The following SMAP1 variants were observed in gnomAD, a reference collection of about 807,000 sequenced individuals.
SMAP1 encodes stromal membrane-associated protein 1.
SMAP1 carries 24 observed loss-of-function variants against 58.5 expected under a neutral mutation model. The ratio of observed to expected loss-of-function variants is 0.41; its 90% CI spans 0.30 to 0.58. SMAP1 has a LOEUF of 0.58. SMAP1 is among the 20% of genes least tolerant of loss of function. The probability of loss-of-function intolerance (pLI) is 0.29; values close to 1 mark genes in which losing one functional copy is unlikely to be tolerated. For missense variants in SMAP1, 563 were observed against 566.3 expected (o/e 0.99, Z 0.06); for synonymous variants, 216 against 196.6 (o/e 1.10, Z -0.82).
intron 6 of SMAP1, among the ~76,000 whole-genome samples, chr6:70,807,532 A>C (rs529025004): frequency 2.0e-5 from 3 of 152,314 alleles, no homozygotes; most frequent in East Asian, 3.9e-4. Context: ...GTAATCAATG[A>C]TCTATAAATA....
At position 70,667,961 on chromosome 6, in the gene SMAP1, C is replaced by T; in HGVS notation, c.-63C>T. 3.5e-6 allele frequency: 5 copies of T among 1,445,514 alleles called. No individual in the cohort carries two copies. Among genetic ancestry groups the T allele is most frequent in the Non-Finnish European group, 4.7e-6 (5 of 1,065,664 alleles). 89.5% of individuals were successfully genotyped at this position (1,445,514 alleles called of 1,614,324 possible). On this transcript the variant is annotated 5_prime_UTR_variant, in exon 1 of 11. Coordinates refer to ENST00000370455, the MANE Select transcript of SMAP1 (RefSeq NM_001044305.3). ...GGCGGCGCCAGGTGCGTTCACTCTG[C>T]CCGGCTCCAGCCAGCGTCCGCCGCC...
chr6:70,699,321 A>G (rs1767533798), intron 1 of SMAP1, among the ~76,000 whole-genome samples: 1 of 152,116 alleles, frequency 6.6e-6, no homozygotes, highest in African/African-American at 2.4e-5. Context: ...CCATGTGACC[A>G]CCACCACTGG....
At chr6:70,770,343 T>G (rs1767221209) in intron 3 of SMAP1, among the ~76,000 whole-genome samples, 1 of 152,220 alleles carries the variant, frequency 6.6e-6, no homozygotes, top group Admixed American at 6.5e-5. Context: ...CTGCAGAGTG[T>G]TTTCGACCTT....
chr6:70,808,432 A>G (rs776325643), intron 6 of SMAP1, among the ~76,000 whole-genome samples: 1 of 152,200 alleles, frequency 6.6e-6, no homozygotes, highest in Non-Finnish European at 1.5e-5. Flanking sequence ...TATTTTTAAA[A>G]ACAGATAGCC....
At chr6:70,773,683 A>G (rs561114150) in intron 4 of SMAP1, among the ~76,000 whole-genome samples, 48 of 152,336 alleles carry the variant, frequency 3.2e-4, no homozygotes, top group Admixed American at 1.0e-3. Flanking sequence ...CAAAAAAGCT[A>G]GAACCACTAA....
chr6:70,691,852 A>G (rs532285312), intron 1 of SMAP1, among the ~76,000 whole-genome samples: 1 of 152,306 alleles, frequency 6.6e-6, no homozygotes, highest in East Asian at 1.9e-4. Flanking sequence ...GTCTTTATCC[A>G]TTCCCCTGTT....
intron 1 of SMAP1, among the ~76,000 whole-genome samples, chr6:70,718,399 T>C (rs1467326008): frequency 6.6e-6 from 1 of 152,076 alleles, no homozygotes; most frequent in Non-Finnish European, 1.5e-5. Flanking sequence ...TCCCCTTACA[T>C]CACCAACTAA....
intron 1 of SMAP1, among the ~76,000 whole-genome samples, chr6:70,675,176 A>G (rs1305549560): frequency 6.9e-6 from 1 of 145,526 alleles, no homozygotes; most frequent in African/African-American, 2.5e-5. Context: ...AACATTACAT[A>G]TATACTCACA....
At chr6:70,682,170 ATTT>A (rs66981900) in intron 1 of SMAP1, among the ~76,000 whole-genome samples, 34 of 95,886 alleles carry the variant, frequency 3.5e-4, no homozygotes, top group African/African-American at 1.3e-3. Context: ...CTCTGCACAG[ATTT>A]TTTTTTTTTT....
intron 4 of SMAP1, among the ~76,000 whole-genome samples, chr6:70,789,534 T>C (rs1415879704): frequency 2.6e-5 from 4 of 151,870 alleles, no homozygotes; most frequent in African/African-American, 4.8e-5. Flanking sequence ...TCTTTCTTCT[T>C]AAGTTTGTTT....
chr6:70,725,602 CTCTTTGAGA>C (rs1344115128), intron 1 of SMAP1, among the ~76,000 whole-genome samples: 1 of 152,102 alleles, frequency 6.6e-6, no homozygotes, highest in Non-Finnish European at 1.5e-5. Flanking sequence ...TATGTAGTTT[CTCTTTGAGA>C]TCTTTGAGTT....
chr6:70,705,753 T>TA (rs1254765263), intron 1 of SMAP1, among the ~76,000 whole-genome samples: 1 of 152,116 alleles, frequency 6.6e-6, no homozygotes, highest in Non-Finnish European at 1.5e-5. Context: ...GCCAGGTACT[T>TA]ATGTATTTCA....
intron 4 of SMAP1, among the ~76,000 whole-genome samples, chr6:70,781,627 C>T (rs1051008357): frequency 6.6e-6 from 1 of 152,146 alleles, no homozygotes; most frequent in African/African-American, 2.4e-5. Flanking sequence ...TTTTCAGTGA[C>T]TGTATCTTTT....
chr6:70,778,857 TC>T (rs1172944317), intron 4 of SMAP1, among the ~76,000 whole-genome samples: 1 of 152,198 alleles, frequency 6.6e-6, no homozygotes, highest in Admixed American at 6.5e-5. Context: ...ACCAAGCCCT[TC>T]CTTGGGTCTC....
chr6:70,802,139 A>G (rs1195278756), intron 6 of SMAP1, among the ~76,000 whole-genome samples: 3 of 152,204 alleles, frequency 2.0e-5, no homozygotes, highest in Non-Finnish European at 4.4e-5. Flanking sequence ...AATTCTTCGT[A>G]TCTATGAGCA....
chr6:70,708,198 A>G (rs1331788928), intron 1 of SMAP1, among the ~76,000 whole-genome samples: 1 of 152,074 alleles, frequency 6.6e-6, no homozygotes, highest in Non-Finnish European at 1.5e-5. Context: ...GATTTCACAT[A>G]TACGTGAGAT....
At chr6:70,700,707 A>C (rs1263993134) in intron 1 of SMAP1, among the ~76,000 whole-genome samples, 3 of 152,192 alleles carry the variant, frequency 2.0e-5, no homozygotes, top group Non-Finnish European at 2.9e-5. Flanking sequence ...AGCTGTGAAC[A>C]TGGTGGGTCA....
At chr6:70,766,121 A>C (rs1766972820) in intron 3 of SMAP1, among the ~76,000 whole-genome samples, 1 of 152,148 alleles carries the variant, frequency 6.6e-6, no homozygotes, top group African/African-American at 2.4e-5. Flanking sequence ...TATATGCGCC[A>C]CATTTTCTTA....
intron 10 of SMAP1, 43 bp downstream of exon 10, chr6:70,858,272 A>C: frequency 1.9e-6 from 1 of 525,330 alleles, no homozygotes; most frequent in African/African-American, 2.6e-5. Context: ...ATCAAACCAG[A>C]TTTATTTTCT....
Sources: allele counts gnomAD v4.1 joint callset (sites outside exome capture counted in the v4.1 genomes callset), GRCh38; gene constraint gnomAD v4.1.1; transcripts MANE v1.5; gene names NCBI Gene and HGNC (gene_info 2026-07-23, HGNC 2026-07-21).